MED12L: variants seen among roughly 807,000 people sequenced by gnomAD.
MED12L encodes the protein mediator complex subunit 12L.
Under a neutral mutation model 281.3 loss-of-function variants are expected in MED12L, and 60 were observed. That is an observed-to-expected ratio of 0.21 (90% confidence interval 0.17 to 0.26). The LOEUF (loss-of-function observed/expected upper bound fraction) is 0.26. Among genes scored for constraint, MED12L ranks in the 10% least tolerant of loss-of-function variants. The probability of loss-of-function intolerance (pLI) is 1.00; values close to 1 mark genes in which losing one functional copy is unlikely to be tolerated. For missense variants in MED12L, 2,146 were observed against 2,680.9 expected, an observed-to-expected ratio of 0.80 and a Z score of 4.41; for synonymous variants, 974 against 987.2, an observed-to-expected ratio of 0.99 and a Z score of 0.25.
At chr3:151,376,456 T>C (rs1756866706) in intron 28 of MED12L, among the ~76,000 whole-genome samples, 1 of 152,198 alleles carries the variant, frequency 6.6e-6, no homozygotes, top group African/African-American at 2.4e-5. Flanking sequence ...ATGAGAAATA[T>C]GCTTCAGAGA....
chr3:151,090,765 C>T (rs1379967643), intron 2 of MED12L, among the ~76,000 whole-genome samples: 3 of 152,272 alleles, frequency 2.0e-5, no homozygotes, highest in African/African-American at 7.2e-5. Context: ...CAGGGCCAGG[C>T]GTGGTGGCTC....
At position 151,360,666 on chromosome 3, in the gene MED12L, T is replaced by A. The variant is rs986515157; in HGVS notation, c.2957+61T>A. 56 of 1,444,586 alleles carry A rather than the reference T, an allele frequency of 3.9e-5. No individual in the cohort carries two copies. The Admixed American group carries it at 1.1e-3, about 29-fold the overall frequency. The allele number at this position is 1,444,586 out of a possible 1,614,324, so 89.5% of individuals were successfully genotyped here. A position where few individuals can be genotyped will look rare whatever the true frequency, so the allele number is the denominator to read the frequency against. The stretch of plus-strand genomic sequence containing the variant: ...TCATGCCTATGTTTGTTAGTGACCC[T>A]GACAATATTGTCATCCTTTTGAATA... On this transcript the variant is annotated intron_variant, in intron 21 of 44. Coordinates refer to ENST00000687756, the MANE Select transcript of MED12L (RefSeq NM_001393769.1).
chr3:151,101,340 C>T (rs758610488), intron 2 of MED12L, among the ~76,000 whole-genome samples: 20 of 152,244 alleles, frequency 1.3e-4, no homozygotes, highest in Admixed American at 9.8e-4. Context: ...GCCAGCCTCA[C>T]GGTACCTGTG....
In MED12L at chr3:151,380,158, C is replaced by G. The variant is rs566562592; in HGVS notation, c.4524C>G (p.Thr1508=). 44 of 1,608,096 alleles carry G rather than the reference C, an allele frequency of 2.7e-5. No homozygotes were observed. In the South Asian group the frequency reaches 4.7e-4, roughly 17 times the overall value. ...SQQPFLSLVL[T]CLKGQDEQRE... ...AACCCTTCCTCTCACTGGTACTTAC[C>G]TGCCTTAAGGGACAAGATGAACAAA... Residue 1508 remains threonine (T), a synonymous_variant, in exon 32 of 45, where the codon ACC becomes ACG. Coordinates refer to ENST00000687756, the MANE Select transcript of MED12L (RefSeq NM_001393769.1).
chr3:151,089,589 T>A (rs1218311589), intron 2 of MED12L, among the ~76,000 whole-genome samples: 11 of 151,294 alleles, frequency 7.3e-5, no homozygotes, highest in African/African-American at 2.7e-4. Context: ...TTATTGTTGT[T>A]GTTAACCAGT....
chr3:151,274,419 G>A (rs937950766), intron 16 of MED12L, among the ~76,000 whole-genome samples: 3 of 152,128 alleles, frequency 2.0e-5, no homozygotes, highest in African/African-American at 7.2e-5. Flanking sequence ...TATAAAGGTA[G>A]TGCTTATAGG....
intron 16 of MED12L, among the ~76,000 whole-genome samples, chr3:151,257,080 G>T (rs188591810): frequency 2.0e-5 from 3 of 152,070 alleles, no homozygotes; most frequent in Admixed American, 1.3e-4. Flanking sequence ...AAGAAATGGT[G>T]TAGTTTTAAA....
intron 16 of MED12L, among the ~76,000 whole-genome samples, chr3:151,252,726 T>A (rs1190577179): frequency 3.9e-5 from 6 of 152,204 alleles, no homozygotes; most frequent in Admixed American, 3.9e-4. Flanking sequence ...TTGTACATAT[T>A]CAGTTTGCTA....
At chr3:151,428,203 GT>G (rs1719077490) in intron 43 of MED12L, among the ~76,000 whole-genome samples, 1 of 152,202 alleles carries the variant, frequency 6.6e-6, no homozygotes, top group South Asian at 2.1e-4. Context: ...ATTGAGGACA[GT>G]TACAGCTAAG....
At chr3:151,229,075 T>C (rs546173626) in intron 16 of MED12L, among the ~76,000 whole-genome samples, 1 of 152,280 alleles carries the variant, frequency 6.6e-6, no homozygotes, top group African/African-American at 2.4e-5. Context: ...TAGCTGAATA[T>C]CAACCACTTG....
chr3:151,332,662 G>A (rs1750482281), intron 16 of MED12L, among the ~76,000 whole-genome samples: 1 of 152,146 alleles, frequency 6.6e-6, no homozygotes, highest in Admixed American at 6.5e-5. Context: ...ACCAATATAT[G>A]TGTACAAATA....
intron 22 of MED12L, 45 bp from the exon 23 acceptor site, chr3:151,365,805 T>C (rs1365474985): frequency 1.7e-5 from 25 of 1,513,082 alleles, no homozygotes; most frequent in Non-Finnish European, 2.1e-5. Flanking sequence ...TGAGTATTTC[T>C]CTTTTGTACA....
At chr3:151,290,731 A>C (rs1438383870) in intron 16 of MED12L, among the ~76,000 whole-genome samples, 1 of 152,062 alleles carries the variant, frequency 6.6e-6, no homozygotes, top group Non-Finnish European at 1.5e-5. Context: ...CAGCTGCAGG[A>C]TACACATTTG....
Position 151,086,914 on chromosome 3 carries a change from A to T in MED12L, c.-13A>T. ...CCAACTCTCATTCATTTCGCCGGTT[A>T]ACATGAGAGATCATGGCCGCCTTCG... On this transcript the variant is annotated 5_prime_UTR_variant, in exon 2 of 45. Transcript: ENST00000687756. 6.3e-7 allele frequency: 1 copy of T among 1,576,152 alleles called. No individual in the cohort carries two copies. The highest frequency in any genetic ancestry group is 8.6e-7 in the Non-Finnish European group (1 of 1,161,254).
intron 5 of MED12L, among the ~76,000 whole-genome samples, chr3:151,136,398 TC>T (rs1716146581): frequency 6.6e-6 from 1 of 152,256 alleles, no homozygotes; most frequent in African/African-American, 2.4e-5. Flanking sequence ...TCCTTCTATC[TC>T]ATTTGTCATA....
At chr3:151,222,440 G>A (rs1159084169) in intron 16 of MED12L, among the ~76,000 whole-genome samples, 1 of 152,204 alleles carries the variant, frequency 6.6e-6, no homozygotes, top group Admixed American at 6.5e-5. Context: ...ATTTCCATGT[G>A]TTGTGGGAGG....
At chr3:151,177,672 T>G (rs767841514) in intron 11 of MED12L, among the ~76,000 whole-genome samples, 9 of 151,938 alleles carry the variant, frequency 5.9e-5, no homozygotes, top group Non-Finnish European at 5.9e-5. Context: ...TTTTATTATT[T>G]ATTTTAAATG....
At chr3:151,360,381 C>T in intron 20 of MED12L, 93 bp from the exon 21 acceptor site, 2 of 1,144,506 alleles carry the variant, frequency 1.7e-6, no homozygotes, top group Non-Finnish European at 2.5e-6. Flanking sequence ...TTTTTCTTAC[C>T]CAAGTGATAC....
rs866283801 is a variant in MED12L, at chr3:151,153,741, G to A, written c.557-2420G>A. ...CCACTACCATGTCTGACTAATTTTT[G>A]TATTTTTAGTAGAGACGGGGTTTCG... is the stretch of plus-strand genomic sequence containing the variant. On this transcript the variant is annotated intron_variant, in intron 5 of 44. Transcript: ENST00000687756. Among the ~76,000 whole-genome samples the A allele has an allele frequency of 7.4e-4, 112 of 151,808 alleles. 1 individual carries two copies. The highest frequency in any genetic ancestry group is 2.4e-3 in the African/African-American group (101 of 41,428).
Sources: gnomAD v4.1 joint callset for allele counts (sites outside exome capture counted in the v4.1 genomes callset) on GRCh38, gnomAD v4.1.1 for gene constraint, MANE v1.5 for transcripts, NCBI Gene and HGNC (gene_info 2026-07-23, HGNC 2026-07-21) for gene names.